The following MEMO1 variants were observed in gnomAD, a reference collection of about 807,000 sequenced individuals.
The protein encoded by MEMO1 is mediator of cell motility 1.
MEMO1 carries 6 observed loss-of-function variants against 45.2 expected under a neutral mutation model. That is an observed-to-expected ratio of 0.13 (90% CI 0.07 to 0.26). The LOEUF (loss-of-function observed/expected upper bound fraction) is 0.26. Ranked by LOEUF, MEMO1 falls within the 10% of genes least tolerant of loss-of-function variation. MEMO1 has a pLI of 1.00. For synonymous variants in MEMO1, 78 were observed against 124.3 expected (o/e 0.63, Z 2.48); for missense variants, 184 against 370.5 (o/e 0.50, Z 4.13).
chr2:31,907,647 G>T (rs1035302696), intron 6 of MEMO1, among the ~76,000 whole-genome samples: 12 of 152,058 alleles, frequency 7.9e-5, no homozygotes, highest in African/African-American at 2.9e-4. Flanking sequence ...ACAAAAATTA[G>T]CCAGGTGTGG....
chr2:31,903,267 A>G (rs1283730586), intron 6 of MEMO1, among the ~76,000 whole-genome samples: 1 of 152,086 alleles, frequency 6.6e-6, no homozygotes, highest in African/African-American at 2.4e-5. Context: ...AGATGTGAGG[A>G]GAATTAAACC....
chr2:31,986,447 G>C (rs1432197328), intron 2 of MEMO1, among the ~76,000 whole-genome samples: 1 of 152,098 alleles, frequency 6.6e-6, no homozygotes, highest in Non-Finnish European at 1.5e-5. Flanking sequence ...ACTGCAGCCT[G>C]AGCGAAAGTG....
chr2:31,910,178 G>C (rs1680341905), intron 6 of MEMO1, among the ~76,000 whole-genome samples: 1 of 151,992 alleles, frequency 6.6e-6, no homozygotes, highest in Non-Finnish European at 1.5e-5. Context: ...CAAAATTAAA[G>C]AAGAAATAAA....
chr2:31,981,728 C>G (rs997641693), intron 2 of MEMO1, among the ~76,000 whole-genome samples: 2 of 152,124 alleles, frequency 1.3e-5, no homozygotes, highest in Non-Finnish European at 2.9e-5. Flanking sequence ...TTCCAAACAC[C>G]CAACCACAGG....
chr2:32,010,540 C>A (rs1044301636), intron 1 of MEMO1: 34 of 242,332 alleles, frequency 1.4e-4, no homozygotes, highest in Non-Finnish European at 1.8e-4. Context: ...AAGCCCTGGC[C>A]CCGGCCCCCG....
intron 2 of MEMO1, among the ~76,000 whole-genome samples, chr2:31,946,549 T>G (rs1666218225): frequency 1.3e-5 from 2 of 152,160 alleles, no homozygotes; most frequent in African/African-American, 4.8e-5. Context: ...AACTGCATAT[T>G]CCATAGTGAT....
At chr2:31,916,390 C>A (rs1421533641) in intron 6 of MEMO1, among the ~76,000 whole-genome samples, 1 of 151,982 alleles carries the variant, frequency 6.6e-6, no homozygotes, top group South Asian at 2.1e-4. Flanking sequence ...CACCACACAC[C>A]GCTAATTTTT....
chr2:31,984,120 C>G (rs903368729), intron 2 of MEMO1, among the ~76,000 whole-genome samples: 1 of 152,192 alleles, frequency 6.6e-6, no homozygotes, highest in South Asian at 2.1e-4. Context: ...GTGGGTTGGA[C>G]TTCAGCGACT....
intron 7 of MEMO1, 104 bp from the exon 8 acceptor site, chr2:31,883,566 C>G: frequency 1.3e-6 from 1 of 750,582 alleles, no homozygotes; most frequent in Non-Finnish European, 2.2e-6. Context: ...AGGCAAAGCA[C>G]AGCTTAAGCC....
chr2:31,915,683 C>G (rs1318227850), intron 6 of MEMO1, among the ~76,000 whole-genome samples: 2 of 152,068 alleles, frequency 1.3e-5, no homozygotes, highest in African/African-American at 4.8e-5. Context: ...GGGGTCTCAA[C>G]AGAGAGCCAG....
chr2:31,961,390 G>A (rs1370732409), intron 2 of MEMO1, among the ~76,000 whole-genome samples: 2 of 151,972 alleles, frequency 1.3e-5, no homozygotes, highest in Non-Finnish European at 2.9e-5. Context: ...AGAAAAAACT[G>A]CAATCTGGGA....
At chr2:31,902,625 C>T (rs1558489790) in intron 6 of MEMO1, among the ~76,000 whole-genome samples, 1 of 152,286 alleles carries the variant, frequency 6.6e-6, no homozygotes, top group Non-Finnish European at 1.5e-5. Flanking sequence ...TTTAGTAACA[C>T]AGAGGAATCT....
intron 3 of MEMO1, among the ~76,000 whole-genome samples, chr2:31,933,351 T>TTATATATATATATA (rs370773425): frequency 3.9e-3 from 174 of 45,042 alleles, no homozygotes; most frequent in Non-Finnish European, 5.2e-3. Flanking sequence ...AAAAAAAAAT[T>TTATATATATATATA]TATATATATA....
intron 2 of MEMO1, among the ~76,000 whole-genome samples, chr2:31,964,368 CA>C (rs1352948880): frequency 6.6e-6 from 1 of 151,982 alleles, no homozygotes; most frequent in African/African-American, 2.4e-5. Context: ...TGGGGTCTTA[CA>C]TGAATCTCAA....
chr2:31,987,367 T>C (rs1311647333), intron 2 of MEMO1, among the ~76,000 whole-genome samples: 3 of 152,124 alleles, frequency 2.0e-5, no homozygotes, highest in African/African-American at 7.2e-5. Context: ...GAAGGATAGG[T>C]AGGCATAGGC....
chr2:31,935,838 G>C (rs1349489169), intron 3 of MEMO1, among the ~76,000 whole-genome samples: 1 of 152,042 alleles, frequency 6.6e-6, no homozygotes, highest in East Asian at 1.9e-4. Context: ...CTTCACTAAA[G>C]AAACGGCTAA....
intron 2 of MEMO1, among the ~76,000 whole-genome samples, chr2:31,973,504 T>C (rs1321908538): frequency 6.6e-6 from 1 of 151,724 alleles, no homozygotes; most frequent in Non-Finnish European, 1.5e-5. Context: ...ACAGAGATAC[T>C]TGTACACAAA....
chr2:31,996,032 G>A (rs926031406), intron 2 of MEMO1, among the ~76,000 whole-genome samples: 3 of 152,112 alleles, frequency 2.0e-5, no homozygotes, highest in Non-Finnish European at 4.4e-5. Flanking sequence ...AAAGAAGGGC[G>A]TAACGATAGA....
chr2:31,932,957 C>A (rs1314336643), intron 3 of MEMO1, among the ~76,000 whole-genome samples: 2 of 151,986 alleles, frequency 1.3e-5, no homozygotes, highest in African/African-American at 2.4e-5. Flanking sequence ...TTATCACGCA[C>A]AGAATGACTG....
Sources: gnomAD v4.1 joint callset for allele counts (sites outside exome capture counted in the v4.1 genomes callset) on GRCh38, gnomAD v4.1.1 for gene constraint, MANE v1.5 for transcripts, NCBI Gene and HGNC (gene_info 2026-07-23, HGNC 2026-07-21) for gene names.